The following ITCH variants were observed in gnomAD, a reference collection of about 807,000 sequenced individuals.
The protein encoded by ITCH is itchy E3 ubiquitin protein ligase.
Under a neutral mutation model 126.8 loss-of-function variants are expected in ITCH, and 28 were observed. That is an observed-to-expected ratio of 0.22 (90% CI 0.16 to 0.30). The LOEUF (loss-of-function observed/expected upper bound fraction) is 0.30, where lower values mean the gene tolerates loss of function less well. Ranked by LOEUF, ITCH falls within the 10% of genes least tolerant of loss-of-function variation. The pLI is 1.00. For missense variants in ITCH, 631 were observed against 1,032.4 expected (o/e 0.61, Z 5.33); for synonymous variants, 342 against 340.0 (o/e 1.01, Z -0.06).
At chr20:34,384,767 T>C (rs1432482711) in intron 2 of ITCH, among the ~76,000 whole-genome samples, 1 of 150,418 alleles carries the variant, frequency 6.6e-6, no homozygotes, top group Non-Finnish European at 1.5e-5. Context: ...TTCTTGCCAT[T>C]CTCCTGCCTC....
intron 2 of ITCH, among the ~76,000 whole-genome samples, chr20:34,374,629 A>G (rs1450604704): frequency 6.6e-6 from 1 of 152,150 alleles, no homozygotes; most frequent in Non-Finnish European, 1.5e-5. Flanking sequence ...CAAGGGCTGG[A>G]TGAACATTTA....
chr20:34,389,000 T>A (rs1285044327), intron 2 of ITCH, among the ~76,000 whole-genome samples: 2 of 152,056 alleles, frequency 1.3e-5, no homozygotes, highest in Non-Finnish European at 2.9e-5. Context: ...AATACAATCA[T>A]CCCTTGGTAT....
chr20:34,382,436 T>C (rs1457050837), intron 2 of ITCH, among the ~76,000 whole-genome samples: 1 of 152,230 alleles, frequency 6.6e-6, no homozygotes, highest in Non-Finnish European at 1.5e-5. Context: ...AGATGGAGTC[T>C]CGCCTTGTCA....
At chr20:34,456,174 GTGTGTGTGTGTATATATATATATATA>G (rs1401275291) in intron 12 of ITCH, among the ~76,000 whole-genome samples, 2 of 34,192 alleles carry the variant, frequency 5.8e-5, no homozygotes, top group Non-Finnish European at 9.3e-5. Flanking sequence ...GTGTGTGTGT[GTGTGTGTGTGTATATATATATATATA>G]TATATATATA....
chr20:34,412,444 T>G (rs1979171048), intron 4 of ITCH, 71 bp from the exon 5 acceptor site: 1 of 1,206,672 alleles, frequency 8.3e-7, no homozygotes, highest in Non-Finnish European at 1.2e-6. Context: ...AAAACTGAAT[T>G]GTAATTTATT....
At chr20:34,417,563 C>T (rs182251837) in intron 6 of ITCH, among the ~76,000 whole-genome samples, 31 of 151,886 alleles carry the variant, frequency 2.0e-4, no homozygotes, top group Non-Finnish European at 3.8e-4. Context: ...CCATGCTTGG[C>T]TAAGTTTTGT....
At chr20:34,393,180 T>C (rs140837684) in intron 2 of ITCH, among the ~76,000 whole-genome samples, 1 of 152,272 alleles carries the variant, frequency 6.6e-6, no homozygotes, top group African/African-American at 2.4e-5. Context: ...GGAAGTCTTC[T>C]TTTGGCCCCT....
chr20:34,482,476 G>C (rs1988823120), intron 20 of ITCH, among the ~76,000 whole-genome samples: 1 of 152,174 alleles, frequency 6.6e-6, no homozygotes, highest in Non-Finnish European at 1.5e-5. Flanking sequence ...AGGAGCTACA[G>C]GCCCCATGCA....
chr20:34,492,868 G>A (rs1600489110), intron 23 of ITCH, among the ~76,000 whole-genome samples: 1 of 152,168 alleles, frequency 6.6e-6, no homozygotes, highest in Non-Finnish European at 1.5e-5. Flanking sequence ...TGCCAAACAT[G>A]TGTGTCTTAA....
At chr20:34,487,590 A>G (rs548331041) in intron 20 of ITCH, among the ~76,000 whole-genome samples, 25 of 152,092 alleles carry the variant, frequency 1.6e-4, no homozygotes, top group Middle Eastern at 3.4e-3. Context: ...AATGATTATG[A>G]TAATATGCAT....
At chr20:34,378,471 CA>C (rs35400213) in intron 2 of ITCH, among the ~76,000 whole-genome samples, 107 of 48,678 alleles carry the variant, frequency 2.2e-3, no homozygotes, top group African/African-American at 3.7e-3. Flanking sequence ...AACTCTGTCT[CA>C]AAAAAAAAAA....
chr20:34,428,329 C>T (rs1981820878), intron 7 of ITCH, among the ~76,000 whole-genome samples: 1 of 152,310 alleles, frequency 6.6e-6, no homozygotes, highest in South Asian at 2.1e-4. Flanking sequence ...TCGCATCCTT[C>T]CCTCCATCCT....
chr20:34,454,807 T>A (rs1057301182), intron 12 of ITCH, among the ~76,000 whole-genome samples: 3 of 150,168 alleles, frequency 2.0e-5, no homozygotes, highest in East Asian at 2.0e-4. Context: ...TTTTTCTTTT[T>A]TCTTTTCCTG....
intron 16 of ITCH, chr20:34,475,865 TTAAATAA>T (rs1988167691): frequency 2.1e-6 from 2 of 938,918 alleles, no homozygotes; most frequent in Non-Finnish European, 3.4e-6. Context: ...ATTTTATCAC[TTAAATAA>T]TAATTATAAA....
intron 20 of ITCH, among the ~76,000 whole-genome samples, chr20:34,482,583 G>A (rs892599714): frequency 6.6e-6 from 1 of 152,220 alleles, no homozygotes; most frequent in African/African-American, 2.4e-5. Flanking sequence ...GTAAGAGGTG[G>A]CCTCCCATGG....
At chr20:34,459,123 A>G (rs1054444189) in intron 13 of ITCH, among the ~76,000 whole-genome samples, 9 of 152,136 alleles carry the variant, frequency 5.9e-5, no homozygotes, top group South Asian at 2.1e-4. Context: ...GGGGGCCCCC[A>G]CCACCACTCT....
chr20:34,418,746 T>C (rs991463603), intron 6 of ITCH, among the ~76,000 whole-genome samples: 2 of 146,454 alleles, frequency 1.4e-5, no homozygotes, highest in African/African-American at 2.5e-5. Flanking sequence ...TTCTTTCTTT[T>C]TCTTTTTTTC....
In ITCH at chr20:34,471,523, T is replaced by C; in HGVS notation, c.1569+8T>C. The C allele has an allele frequency of 6.5e-7, 1 of 1,548,876 alleles. No individual in the cohort carries two copies. The highest frequency in any genetic ancestry group is 2.2e-5 in the East Asian group (1 of 44,550). ...GAGGATTCCTTTCAACAGGTACTGTTTCATTCTCTCAATAATTTCCCCCCT... is the reference window on the plus strand; with the variant it reads ...GAGGATTCCTTTCAACAGGTACTGTCTCATTCTCTCAATAATTTCCCCCCT... On this transcript the variant is annotated splice_region_variant and intron_variant, in intron 16 of 24. Transcript: ENST00000374864.
At chr20:34,445,950 A>G (rs1028979157) in intron 11 of ITCH, among the ~76,000 whole-genome samples, 10 of 152,208 alleles carry the variant, frequency 6.6e-5, no homozygotes, top group African/African-American at 2.4e-4. Context: ...GAGTATGCTT[A>G]CTATATTATT....
Sources: gnomAD v4.1 joint callset for allele counts (sites outside exome capture counted in the v4.1 genomes callset) on GRCh38, gnomAD v4.1.1 for gene constraint, MANE v1.5 for transcripts, NCBI Gene and HGNC (gene_info 2026-07-23, HGNC 2026-07-21) for gene names.